Variants in FMNL1 observed in about 807,000 individuals in gnomAD.
FMNL1 encodes formin like 1.
Under a neutral mutation model 121.3 loss-of-function variants are expected in FMNL1, and 43 were observed. The ratio of observed to expected loss-of-function variants is 0.35; its 90% CI spans 0.28 to 0.46. FMNL1 has a LOEUF of 0.46. FMNL1 is among the 20% of genes least tolerant of loss of function. FMNL1 has a pLI of 1.00. For synonymous variants in FMNL1, 613 were observed against 613.5 expected (o/e 1.00, Z 0.01); for missense variants, 1,191 against 1,482.4 (o/e 0.80, Z 3.23).
At chr17:45,230,740 C>G in intron 2 of FMNL1, 53 bp downstream of exon 2, 1 of 1,568,262 alleles carries the variant, frequency 6.4e-7, no homozygotes, top group Non-Finnish European at 8.8e-7. Context: ...CAGTACCCCA[C>G]CCTGACCAGG....
Position 45,243,258 on chromosome 17 carries a change from C to T in FMNL1, c.2151C>T (p.Asn717=), listed in dbSNP as rs762441895. The T allele has an allele frequency of 1.9e-6, 3 of 1,614,112 alleles. No homozygotes were observed. Among genetic ancestry groups the T allele is most frequent in the Non-Finnish European group, 2.5e-6 (3 of 1,180,002 alleles). ...ATLIEANRAK[N]LAITLRKGNL... ...TCATTGAGGCCAACCGGGCCAAGAACTTGGCCATCACCCTGCGGAAGGGCA... is the reference window on the plus strand; with the variant it reads ...TCATTGAGGCCAACCGGGCCAAGAATTTGGCCATCACCCTGCGGAAGGGCA... Residue 717 remains asparagine, a synonymous_variant, in exon 17 of 27, where the codon AAC becomes AAT. Transcript: ENST00000331495.
At chr17:45,229,410 G>C (rs975558632) in intron 1 of FMNL1, among the ~76,000 whole-genome samples, 3 of 152,222 alleles carry the variant, frequency 2.0e-5, no homozygotes, top group African/African-American at 7.2e-5. Context: ...AGGTGGGTGT[G>C]GCCCTCTGAC....
chr17:45,240,498 ACAAGCT>A lies in FMNL1; in HGVS notation c.1104_1109del (p.Asp368_Leu370delinsGlu). 1 of 1,613,352 alleles carries A rather than the reference ACAAGCT, an allele frequency of 6.2e-7. No homozygotes were observed. The highest frequency in any genetic ancestry group is 8.5e-7 in the Non-Finnish European group (1 of 1,179,698). ...CAGAGGCTTCGGCTCACCGAGAGTGACAAGCTGCAGGTGCAGATCCAGGCGTACCTG... is the reference window on the plus strand; with the variant it reads ...CAGAGGCTTCGGCTCACCGAGAGTGAGCAGGTGCAGATCCAGGCGTACCTG... On this transcript the variant is annotated inframe_deletion, in exon 12 of 27. Transcript: ENST00000331495.
At chr17:45,228,744 G>A (rs1344430294) in intron 1 of FMNL1, among the ~76,000 whole-genome samples, 1 of 152,060 alleles carries the variant, frequency 6.6e-6, no homozygotes, top group Non-Finnish European at 1.5e-5. Flanking sequence ...CCCTGGGTGG[G>A]TGAGGGCCTG....
In FMNL1 at chr17:45,246,621, G is replaced by A; in HGVS notation, c.*8+17G>A. 6.4e-7 allele frequency: 1 copy of A among 1,573,300 alleles called. No homozygotes were observed. Among genetic ancestry groups the A allele is most frequent in the Non-Finnish European group, 8.6e-7 (1 of 1,157,044 alleles). On this transcript the variant is annotated intron_variant, in intron 26 of 26. Transcript: ENST00000331495. Reference sequence around the variant, plus strand: ...GCCCCTCAGGTACCCAGATGACCTGGCCTCTGATACCACGCTGCCCACAGC... The same window carrying A: ...GCCCCTCAGGTACCCAGATGACCTGACCTCTGATACCACGCTGCCCACAGC...
In FMNL1 at chr17:45,247,101, G is replaced by A; in HGVS notation, c.*243G>A. The A allele has an allele frequency of 1.7e-6, 1 of 602,622 alleles. No homozygotes were observed. The highest frequency in any genetic ancestry group is 3.0e-6 in the Non-Finnish European group (1 of 333,144). The allele number at this position is 602,622 out of a possible 1,614,324, so 37.3% of individuals were successfully genotyped here. A position where few individuals can be genotyped will look rare whatever the true frequency, so the allele number is the denominator to read the frequency against. On this transcript the variant is annotated 3_prime_UTR_variant, in exon 27 of 27. Coordinates refer to ENST00000331495, the MANE Select transcript of FMNL1 (RefSeq NM_005892.4). ...TGTGGCCCGCCTCAAACGGGCTGGT[G>A]CATCCTCCTCTTGGCCACAGAGGGC... is the stretch of plus-strand genomic sequence containing the variant.
intron 1 of FMNL1, 39 bp downstream of exon 1, chr17:45,222,292 G>GGCGGCAGGGGC (rs925258991): frequency 1.6e-5 from 18 of 1,159,414 alleles, no homozygotes; most frequent in Admixed American, 4.7e-5. Context: ...GCGGGCGGGG[G>GGCGGCAGGGGC]GCGGCAGGGG....
intron 19 of FMNL1, 99 bp downstream of exon 19, chr17:45,244,343 C>A: frequency 7.2e-7 from 1 of 1,380,436 alleles, no homozygotes; most frequent in Non-Finnish European, 1.0e-6. Flanking sequence ...AGATAACATT[C>A]CCACTTCTCA....
intron 1 of FMNL1, among the ~76,000 whole-genome samples, chr17:45,227,964 A>T (rs2043362856): frequency 6.6e-6 from 1 of 152,030 alleles, no homozygotes; most frequent in Admixed American, 6.6e-5. Context: ...CCCCCTCAGG[A>T]GGCAGGTATC....
intron 1 of FMNL1, among the ~76,000 whole-genome samples, chr17:45,228,583 G>A (rs1357392946): frequency 6.6e-6 from 1 of 152,258 alleles, no homozygotes; most frequent in Non-Finnish European, 1.5e-5. Context: ...GGCAGTGAGG[G>A]TGGAAGGCAG....
At chr17:45,235,389 G>A (rs958684129) in intron 6 of FMNL1, among the ~76,000 whole-genome samples, 16 of 152,218 alleles carry the variant, frequency 1.1e-4, no homozygotes, top group Non-Finnish European at 1.3e-4. Flanking sequence ...TGGGAACAGG[G>A]AAGAGCATTC....
chr17:45,222,362 C>A, intron 1 of FMNL1, 109 bp downstream of exon 1: 1 of 953,330 alleles, frequency 1.0e-6, no homozygotes, highest in Non-Finnish European at 1.3e-6. Context: ...CTTGGAGATC[C>A]CCGGTCCGGC....
intron 1 of FMNL1, among the ~76,000 whole-genome samples, chr17:45,230,253 G>A (rs1431417311): frequency 6.6e-6 from 1 of 152,184 alleles, no homozygotes; most frequent in Non-Finnish European, 1.5e-5. Flanking sequence ...GCCCCAACAG[G>A]AAAACTGGGG....
chr17:45,225,356 C>G (rs1479831152), intron 1 of FMNL1, among the ~76,000 whole-genome samples: 1 of 152,210 alleles, frequency 6.6e-6, no homozygotes, highest in Non-Finnish European at 1.5e-5. Flanking sequence ...CCCCTGGCCA[C>G]TCCCACCTCC....
chr17:45,244,293 G>A (rs2143619085), intron 19 of FMNL1, 49 bp downstream of exon 19: 2 of 1,573,850 alleles, frequency 1.3e-6, no homozygotes, highest in Middle Eastern at 1.7e-4. Context: ...TGGATAGTGT[G>A]AGAGGGAGAC....
intron 1 of FMNL1, 28 bp downstream of exon 1, chr17:45,222,281 C>A (rs1255952887): frequency 1.0e-5 from 12 of 1,163,094 alleles, no homozygotes; most frequent in Non-Finnish European, 1.3e-5. Context: ...GCGGGTCGGG[C>A]GCGGGCGGGG....
In FMNL1 at chr17:45,244,742, TCTC is replaced by T. The variant is rs372305413; in HGVS notation, c.2518-71_2518-69del. 79 of 1,482,832 alleles carry T rather than the reference TCTC, an allele frequency of 5.3e-5. No individual in the cohort carries two copies. The African/African-American group carries it at 5.4e-4, about 10-fold the overall frequency. The allele number at this position is 1,482,832 out of a possible 1,614,324, so 91.9% of individuals were successfully genotyped here. On this transcript the variant is annotated intron_variant, in intron 19 of 26. Transcript: ENST00000331495. ...GTGGGGCCTGCTCCTTGCCACCTCT[TCTC>T]CTCCTTGTGCAATATGCTTAAGCGG... is the stretch of plus-strand genomic sequence containing the variant.
At chr17:45,232,293 C>T in intron 2 of FMNL1, 74 bp from the exon 3 acceptor site, 1 of 1,367,500 alleles carries the variant, frequency 7.3e-7, no homozygotes, top group East Asian at 2.3e-5. Context: ...GAATGGGACA[C>T]TGGGACGAGA....
chr17:45,242,116 C>A lies in FMNL1; in HGVS notation c.1855C>A (p.Leu619Ile). ...PPPPGGPPDA[L>I]GRRDSELGPG... is the part of the protein sequence containing the mutation. ...GCCTCCCGGAGGTCCTCCTGATGCC[C>A]TAGGAAGACGCGACTCAGAATTGGG... Residue 619 changes from leucine to isoleucine, a missense_variant, in exon 15 of 27, where the codon CTA becomes ATA. By Grantham distance (5) the Leu-to-Ile change is conservative. Around this residue, in one of 4 missense-constraint regions of FMNL1, gnomAD observed 519 missense variants for 492.8 expected, o/e 1.05. Coordinates refer to ENST00000331495, the MANE Select transcript of FMNL1 (RefSeq NM_005892.4). 1 of 1,535,898 alleles carries A rather than the reference C, an allele frequency of 6.5e-7. No homozygotes were observed. Among genetic ancestry groups the A allele is most frequent in the South Asian group, 1.2e-5 (1 of 83,742 alleles).
Sources: gnomAD v4.1 joint callset for allele counts (sites outside exome capture counted in the v4.1 genomes callset) on GRCh38, gnomAD v4.1.1 for gene constraint, gnomAD v4.1.1 regional missense constraint, MANE v1.5 for transcripts, NCBI Gene and HGNC (gene_info 2026-07-23, HGNC 2026-07-21) for gene names.